Variants in ATP7B observed in about 807,000 individuals in gnomAD.
ATP7B encodes copper-transporting ATPase 2.
In ATP7B, 113 loss-of-function variants were observed where a neutral mutation model predicts 118.9. The observed-to-expected ratio is 0.95, with a 90% CI of 0.82 to 1.11. The LOEUF is 1.11. ATP7B is among the 50% of genes most tolerant of loss of function. The pLI is 0.00. For synonymous variants in ATP7B, 777 were observed against 727.4 expected (o/e 1.07, Z -1.10); for missense variants, 1,867 against 1,871.4 (o/e 1.00, Z 0.04).
chr13:51,970,319 A>C (rs1197154735), intron 3 of ATP7B, among the ~76,000 whole-genome samples, 173 bp downstream of exon 3: 1 of 152,216 alleles, frequency 6.6e-6, no homozygotes, highest in Non-Finnish European at 1.5e-5. Flanking sequence ...AATACTTCTT[A>C]AAGAACACAA....
At chr13:51,987,322 G>C (rs1404152776) in intron 1 of ATP7B, among the ~76,000 whole-genome samples, 2 of 152,152 alleles carry the variant, frequency 1.3e-5, no homozygotes, top group African/African-American at 4.8e-5. Context: ...TTGCTACAAA[G>C]AGAATAAAAT....
At chr13:51,939,969 G>A (rs964260146) in intron 16 of ATP7B, among the ~76,000 whole-genome samples, 8 of 147,066 alleles carry the variant, frequency 5.4e-5, no homozygotes, top group African/African-American at 2.0e-4. Context: ...TAAAGCCCAG[G>A]ATAGAATCTG....
rs1399896468 is a variant in ATP7B, at chr13:52,006,156, T to C, written c.51+5131A>G. 2.0e-5 allele frequency among the ~76,000 whole-genome samples: 3 copies of C among 152,230 alleles called. No individual in the cohort carries two copies. The South Asian group carries it at 6.2e-4, about 32-fold the overall frequency. On this transcript the variant is annotated intron_variant, in intron 1 of 20. Coordinates refer to ENST00000242839, the MANE Select transcript of ATP7B (RefSeq NM_000053.4). ...TGAATATCTATAGAAACAATGCTAA[T>C]GACTGGCTTGCTGTTAATAAATTCG... is the stretch of plus-strand genomic sequence containing the variant.
chr13:51,966,098 G>A (rs1050466187), intron 4 of ATP7B, among the ~76,000 whole-genome samples: 6 of 152,124 alleles, frequency 3.9e-5, no homozygotes, highest in Non-Finnish European at 8.8e-5. Context: ...ATATTTCAAT[G>A]GTACTTCTCT....
intron 16 of ATP7B, among the ~76,000 whole-genome samples, chr13:51,939,729 G>A (rs574256886): frequency 2.0e-5 from 3 of 152,262 alleles, no homozygotes; most frequent in East Asian, 1.9e-4. Context: ...GATGACATAC[G>A]AGAGGGCACG....
intron 9 of ATP7B, among the ~76,000 whole-genome samples, chr13:51,951,113 G>C (rs1204701733): frequency 6.6e-6 from 1 of 152,020 alleles, no homozygotes; most frequent in Non-Finnish European, 1.5e-5. Flanking sequence ...ATGATCACAG[G>C]AGTGAGGGGG....
intron 1 of ATP7B, chr13:51,995,471 A>G (rs531936472): frequency 8.1e-5 from 34 of 417,292 alleles, no homozygotes; most frequent in Non-Finnish European, 1.1e-4. Context: ...GACAGACAGC[A>G]GGGTCACATG....
In ATP7B at chr13:51,944,120, A is replaced by G; in HGVS notation, c.3232T>C (p.Tyr1078His). The change falls in exon 14 of 21, where the codon TAC becomes CAC. Residue 1078 changes from tyrosine to histidine, a missense_variant. By Grantham distance (83) the Tyr-to-His change is moderately conservative. Transcript: ENST00000242839. Reference protein sequence around the residue: ...EHPLGVAVTKYCKEELGTETL... With the variant: ...EHPLGVAVTKHCKEELGTETL... The stretch of plus-strand genomic sequence containing the variant: ...CCAAGTCCACGTACCTCTTTACAGT[A>G]TTTGGTGACTGCCACGCCCAAGGGG... The G allele has an allele frequency of 6.2e-7, 1 of 1,614,048 alleles. No homozygotes were observed. The highest frequency in any genetic ancestry group is 8.5e-7 in the Non-Finnish European group (1 of 1,180,012).
Position 51,968,498 on chromosome 13 carries a change from A to G in ATP7B, c.1653T>C (p.Phe551=). The G allele has an allele frequency of 1.2e-6, 2 of 1,614,134 alleles. No individual in the cohort carries two copies. The highest frequency in any genetic ancestry group is 4.5e-5 in the East Asian group (2 of 44,876). The change falls in exon 4 of 21, where the codon TTT becomes TTC. Residue 551 remains phenylalanine (F), a synonymous_variant. Coordinates refer to ENST00000242839, the MANE Select transcript of ATP7B (RefSeq NM_000053.4). The part of the protein sequence containing the change: ...EIAQFIQDLG[F]EAAVMEDYAG... ...CGTAGTCCTCCATGACTGCTGCCTC[A>G]AAACCCAGGTCCTGGATGAACTGAG... is the stretch of plus-strand genomic sequence containing the variant.
At chr13:51,982,023 T>A (rs1234057639) in intron 1 of ATP7B, among the ~76,000 whole-genome samples, 2 of 151,500 alleles carry the variant, frequency 1.3e-5, no homozygotes, top group African/African-American at 4.8e-5. Context: ...TTTTTTTTTT[T>A]AGCTCATCAT....
chr13:51,996,506 A>G (rs1386031733), intron 1 of ATP7B, among the ~76,000 whole-genome samples: 1 of 152,186 alleles, frequency 6.6e-6, no homozygotes, highest in Non-Finnish European at 1.5e-5. Context: ...GTGGAATTGA[A>G]TTCAGGGTAA....
intron 19 of ATP7B, 86 bp from the exon 20 acceptor site, chr13:51,935,781 A>C (rs1295179828): frequency 1.6e-6 from 2 of 1,222,392 alleles, no homozygotes; most frequent in Non-Finnish European, 2.3e-6. Context: ...CCCCACCCTC[A>C]GCGGCCCCCA....
chr13:51,972,771 G>A (rs904893795), intron 2 of ATP7B, among the ~76,000 whole-genome samples: 13 of 152,238 alleles, frequency 8.5e-5, no homozygotes, highest in East Asian at 1.9e-4. Flanking sequence ...AGGCTGAGGC[G>A]GGAGGATTGC....
Position 51,939,189 on chromosome 13 carries a change from C to T in ATP7B, c.3561G>A (p.Val1187=). 1 of 1,613,270 alleles carries T rather than the reference C, an allele frequency of 6.2e-7. No homozygotes were observed. The highest frequency in any genetic ancestry group is 8.5e-7 in the Non-Finnish European group (1 of 1,180,040). Residue 1187 remains valine (V), a synonymous_variant, in exon 17 of 21, where the codon GTG becomes GTA. Coordinates refer to ENST00000242839, the MANE Select transcript of ATP7B (RefSeq NM_000053.4). Reference sequence around the variant, plus strand: ...CTGCGATTGCGATCATCCCACAGAGCACACCTGGAGCGAACCAGCCAGCAT... The same window carrying T: ...CTGCGATTGCGATCATCCCACAGAGTACACCTGGAGCGAACCAGCCAGCAT... The part of the protein sequence containing the change: ...QTAILVAIDG[V]LCGMIAIADA...
rs937258609 is a variant in ATP7B, at chr13:51,937,148, A to G, written c.4021+128T>C. The G allele has an allele frequency of 2.2e-5, 18 of 814,686 alleles. No individual in the cohort carries two copies. In the African/African-American group the frequency reaches 2.8e-4, roughly 13 times the overall value. 50.5% of individuals were successfully genotyped at this position (814,686 alleles called of 1,614,324 possible). ...ATAAAGCAGGGGACATGAAAAAAAA[A>G]AAAAAACAGCCTTTCTAAAACGCCT... is the stretch of plus-strand genomic sequence containing the variant. On this transcript the variant is annotated intron_variant, in intron 19 of 20. Coordinates refer to ENST00000242839, the MANE Select transcript of ATP7B (RefSeq NM_000053.4).
chr13:51,967,582 C>G (rs1399825421), intron 4 of ATP7B, among the ~76,000 whole-genome samples: 1 of 152,222 alleles, frequency 6.6e-6, no homozygotes. Flanking sequence ...CAGGGAGGCC[C>G]TACCACAGCA....
At chr13:51,994,613 C>T (rs1953102632) in intron 1 of ATP7B, among the ~76,000 whole-genome samples, 1 of 152,320 alleles carries the variant, frequency 6.6e-6, no homozygotes, top group East Asian at 1.9e-4. Flanking sequence ...CCTGTGATTT[C>T]AACGTATGTA....
intron 17 of ATP7B, 93 bp from the exon 18 acceptor site, chr13:51,937,772 C>G: frequency 7.0e-7 from 1 of 1,431,132 alleles, no homozygotes; most frequent in Non-Finnish European, 9.7e-7. Context: ...TGCCCTCGGC[C>G]TCTGGGTCCA....
chr13:51,993,638 T>C (rs948264821), intron 1 of ATP7B, among the ~76,000 whole-genome samples: 5 of 152,196 alleles, frequency 3.3e-5, no homozygotes, highest in African/African-American at 1.2e-4. Context: ...TACTGGGTTA[T>C]CACAGTCCTG....
Sources: gnomAD v4.1 joint callset for allele counts (sites outside exome capture counted in the v4.1 genomes callset) on GRCh38, gnomAD v4.1.1 for gene constraint, MANE v1.5 for transcripts, NCBI Gene and HGNC (gene_info 2026-07-23, HGNC 2026-07-21) for gene names.